Variants in ETS1 observed in about 807,000 individuals in gnomAD.
ETS1 encodes ETS proto-oncogene 1, transcription factor.
A neutral mutation model predicts 58.6 loss-of-function variants in ETS1; 15 were observed. The observed-to-expected ratio is 0.26, with a 90% confidence interval of 0.17 to 0.39. The LOEUF is 0.39. Ranked by LOEUF, ETS1 falls within the 10% of genes least tolerant of loss-of-function variation. ETS1 has a pLI of 1.00. For synonymous variants in ETS1, 214 were observed against 218.2 expected (o/e 0.98, Z 0.17); for missense variants, 417 against 610.5 (o/e 0.68, Z 3.34).
chr11:128,488,459 C>G (rs1472356364), intron 5 of ETS1, among the ~76,000 whole-genome samples: 3 of 152,094 alleles, frequency 2.0e-5, no homozygotes, highest in African/African-American at 7.2e-5. Flanking sequence ...CCTCCCCCAG[C>G]GTCTGTGCCA....
chr11:128,510,227 T>C (rs1863356248), intron 3 of ETS1, among the ~76,000 whole-genome samples: 1 of 152,236 alleles, frequency 6.6e-6, no homozygotes. Context: ...ACTCCTTGAA[T>C]CACCAAAGAC....
rs1224100840 is a variant in ETS1, at chr11:128,549,281, C to A, written c.214+7010G>T. Among the ~76,000 whole-genome samples the A allele has an allele frequency of 2.6e-5, 4 of 151,930 alleles. No homozygotes were observed. Among genetic ancestry groups the A allele is most frequent in the Non-Finnish European group, 5.9e-5 (4 of 67,962 alleles). On this transcript the variant is annotated intron_variant, in intron 3 of 9. Coordinates refer to ENST00000392668, the MANE Select transcript of ETS1 (RefSeq NM_001143820.2). The surrounding 1 kb of genome is among the most constrained non-coding windows in gnomAD (Gnocchi z 4.3). ...CGCGCCCCTCGCCCCTCGCCCCTCG[C>A]CCCTCGCCCCTCTCCTGGGCTCCGG...
Position 128,480,385 on chromosome 11 carries a change from T to A in ETS1, c.929A>T (p.Gln310Leu), listed in dbSNP as rs936263819. 6 of 1,613,918 alleles carry A rather than the reference T, an allele frequency of 3.7e-6. No homozygotes were observed. The highest frequency in any genetic ancestry group is 5.1e-6 in the Non-Finnish European group (6 of 1,179,962). Residue 310 changes from glutamine to leucine, a missense_variant, in exon 8 of 10, where the codon CAG becomes CTG. Around this residue, in one of 4 missense-constraint regions of ETS1, gnomAD observed 139 missense variants for 152.1 expected, o/e 0.91. Transcript: ENST00000392668. Reference sequence around the variant, plus strand: ...GAAAGATGACTGGCTGCTCCAGGACTGGGTGAGGCGATCACAACTATCGTA... The same window carrying A: ...GAAAGATGACTGGCTGCTCCAGGACAGGGTGAGGCGATCACAACTATCGTA... ...ESYDSCDRLTQSWSSQSSFNS... is the reference protein window; with the variant it reads ...ESYDSCDRLTLSWSSQSSFNS...
At chr11:128,573,795 G>C (rs1864686965) in intron 1 of ETS1, among the ~76,000 whole-genome samples, 1 of 152,214 alleles carries the variant, frequency 6.6e-6, no homozygotes, top group South Asian at 2.1e-4. Context: ...TTTCCAGTTA[G>C]CTACTGGTCA....
At chr11:128,502,846 A>G (rs1436080519) in intron 3 of ETS1, among the ~76,000 whole-genome samples, 1 of 152,232 alleles carries the variant, frequency 6.6e-6, no homozygotes, top group Non-Finnish European at 1.5e-5. Flanking sequence ...AGGAAGGAAC[A>G]GGGAGGGAGG....
chr11:128,568,362 G>T (rs915568053), intron 2 of ETS1, among the ~76,000 whole-genome samples: 1 of 152,242 alleles, frequency 6.6e-6, no homozygotes, highest in African/African-American at 2.4e-5. Flanking sequence ...GGAGAATGAC[G>T]CATGAGAGGA....
intron 3 of ETS1, among the ~76,000 whole-genome samples, chr11:128,506,930 T>C (rs1863252950): frequency 6.6e-6 from 1 of 152,180 alleles, no homozygotes; most frequent in African/African-American, 2.4e-5. Context: ...TAAAGTGATA[T>C]GTGCATCTTT....
At chr11:128,500,149 C>T (rs1406341426) in intron 3 of ETS1, among the ~76,000 whole-genome samples, 2 of 152,028 alleles carry the variant, frequency 1.3e-5, no homozygotes, top group East Asian at 3.9e-4. Context: ...GGGTAGCCGC[C>T]AAGGGAGAAG....
intron 3 of ETS1, among the ~76,000 whole-genome samples, chr11:128,516,146 G>GC (rs1565392381): frequency 6.6e-6 from 1 of 152,190 alleles, no homozygotes; most frequent in East Asian, 1.9e-4. Context: ...ATAGGCGAAG[G>GC]CTTCAGAAAA....
chr11:128,484,773 C>A, intron 7 of ETS1, 50 bp downstream of exon 7: 1 of 1,546,820 alleles, frequency 6.5e-7, no homozygotes, highest in Non-Finnish European at 8.7e-7. Flanking sequence ...CTCACAAAGT[C>A]AGGTAATTCT....
intron 3 of ETS1, among the ~76,000 whole-genome samples, chr11:128,523,562 G>C (rs997994784): frequency 1.3e-5 from 2 of 152,140 alleles, no homozygotes; most frequent in Non-Finnish European, 2.9e-5. Context: ...CTCTGCCTCT[G>C]GTAAGTTTTG....
At chr11:128,577,140 G>A (rs1202859413) in intron 1 of ETS1, among the ~76,000 whole-genome samples, 4 of 152,112 alleles carry the variant, frequency 2.6e-5, no homozygotes, top group African/African-American at 9.7e-5. Context: ...TTTTAAATCA[G>A]TGAATGAGTA....
chr11:128,557,725 G>A (rs1363272246), intron 2 of ETS1, among the ~76,000 whole-genome samples: 1 of 151,912 alleles, frequency 6.6e-6, no homozygotes, highest in Non-Finnish European at 1.5e-5. Flanking sequence ...CCCCAACTAA[G>A]GAAACCAAAC....
chr11:128,475,874 T>C (rs1862309210), intron 8 of ETS1, among the ~76,000 whole-genome samples: 1 of 131,120 alleles, frequency 7.6e-6, no homozygotes, highest in Non-Finnish European at 1.6e-5. Context: ...CCTGCAAGAC[T>C]AGTACCTTTG....
intron 2 of ETS1, among the ~76,000 whole-genome samples, chr11:128,569,814 G>A (rs908687807): frequency 3.3e-5 from 5 of 152,250 alleles, no homozygotes; most frequent in African/African-American, 1.2e-4. Flanking sequence ...CTGAGGCCCA[G>A]AGAGAAGTTA....
intron 3 of ETS1, chr11:128,521,789 C>G: frequency 2.8e-6 from 2 of 702,042 alleles, no homozygotes; most frequent in Non-Finnish European, 4.6e-6. Flanking sequence ...CAGCTGCCAA[C>G]AGCATCCCCC....
At position 128,464,316 on chromosome 11, in the gene ETS1, T is replaced by C. The variant is rs547497855; in HGVS notation, c.1124-689A>G. Among the ~76,000 whole-genome samples the C allele has an allele frequency of 3.9e-4, 58 of 150,242 alleles. No homozygotes were observed. Among genetic ancestry groups the C allele is most frequent in the African/African-American group, 1.4e-3 (56 of 40,686 alleles). Reference sequence around the variant, plus strand: ...AAATCCTCAGGGGTCAGATGAGGACTGTCAGAAATTCTGCATAGGTTCAGT... The same window carrying C: ...AAATCCTCAGGGGTCAGATGAGGACCGTCAGAAATTCTGCATAGGTTCAGT... On this transcript the variant is annotated intron_variant, in intron 8 of 9. Coordinates refer to ENST00000392668, the MANE Select transcript of ETS1 (RefSeq NM_001143820.2). This position sits in a 1 kb window ranked among gnomAD's most constrained non-coding sequence, Gnocchi z 4.1.
intron 3 of ETS1, among the ~76,000 whole-genome samples, chr11:128,503,398 A>T (rs978933845): frequency 1.2e-4 from 18 of 152,302 alleles, no homozygotes; most frequent in Non-Finnish European, 1.5e-5. Flanking sequence ...CATGCTCTTC[A>T]TCAACTTCAT....
In ETS1 at chr11:128,463,851, A is replaced by G. The variant is rs1045832916; in HGVS notation, c.1124-224T>C. ...CAAAAGCATGGAAGAAAATGTGTCAAGTGCTTTATTTTGATTAACTTAAGG... is the reference window on the plus strand; with the variant it reads ...CAAAAGCATGGAAGAAAATGTGTCAGGTGCTTTATTTTGATTAACTTAAGG... On this transcript the variant is annotated intron_variant, in intron 8 of 9. Transcript: ENST00000392668. The surrounding 1 kb of genome is among the most constrained non-coding windows in gnomAD (Gnocchi z 4.1). 7.7e-5 allele frequency: 27 copies of G among 350,916 alleles called. No individual in the cohort carries two copies. Among genetic ancestry groups the G allele is most frequent in the African/African-American group, 1.3e-4 (6 of 47,822 alleles). 21.7% of individuals were successfully genotyped at this position (350,916 alleles called of 1,614,324 possible).
Sources: allele counts gnomAD v4.1 joint callset (sites outside exome capture counted in the v4.1 genomes callset), GRCh38; gene constraint gnomAD v4.1.1; regional missense constraint gnomAD v4.1.1; non-coding constraint Gnocchi (gnomAD v3.1); transcripts MANE v1.5; gene names NCBI Gene and HGNC (gene_info 2026-07-23, HGNC 2026-07-21).